The following KDM4C variants were observed in gnomAD, a reference collection of about 807,000 sequenced individuals.
KDM4C encodes the protein lysine-specific demethylase 4C.
A neutral mutation model predicts 129.3 loss-of-function variants in KDM4C; 81 were observed. That is an observed-to-expected ratio of 0.63 (90% CI 0.52 to 0.75). KDM4C has a LOEUF of 0.75. KDM4C is among the 30% of genes least tolerant of loss of function. KDM4C has a pLI of 0.00. For missense variants in KDM4C, 1,457 were observed against 1,304.0 expected (o/e 1.12, Z -1.81); for synonymous variants, 573 against 456.1 (o/e 1.26, Z -3.26).
At chr9:7,112,657 C>G (rs537902443) in intron 18 of KDM4C, among the ~76,000 whole-genome samples, 1 of 152,336 alleles carries the variant, frequency 6.6e-6, no homozygotes, top group South Asian at 2.1e-4. Flanking sequence ...AGGGCTGATA[C>G]ATCATATGTA....
chr9:6,967,907 G>T (rs1831285407), intron 8 of KDM4C, among the ~76,000 whole-genome samples: 1 of 152,134 alleles, frequency 6.6e-6, no homozygotes. Context: ...ATAAGTAAAT[G>T]GTTCTTTGAT....
intron 4 of KDM4C, chr9:6,835,095 G>C: frequency 1.0e-6 from 1 of 1,002,058 alleles, no homozygotes; most frequent in South Asian, 1.3e-5. Context: ...TCAAGGAGAA[G>C]CTGTGCTATG....
Position 7,123,027 on chromosome 9 carries a change from C to A in KDM4C, c.2611-5039C>A, listed in dbSNP as rs994701197. On this transcript the variant is annotated intron_variant, in intron 18 of 21. Coordinates refer to ENST00000381309, the MANE Select transcript of KDM4C (RefSeq NM_015061.6). ...GGGGTATGCTTGTCAATACATTTTTCCTGCAAAAATAAATCAGAAATCCTA... is the reference window on the plus strand; with the variant it reads ...GGGGTATGCTTGTCAATACATTTTTACTGCAAAAATAAATCAGAAATCCTA... 2.0e-5 allele frequency among the ~76,000 whole-genome samples: 3 copies of A among 152,094 alleles called. No individual in the cohort carries two copies. In the East Asian group the frequency reaches 5.8e-4, roughly 29 times the overall value.
intron 12 of KDM4C, among the ~76,000 whole-genome samples, chr9:7,004,583 C>T (rs888913076): frequency 1.3e-5 from 2 of 152,066 alleles, no homozygotes; most frequent in Admixed American, 6.5e-5. Flanking sequence ...TATAGCTATG[C>T]CATAATTTAT....
chr9:6,816,043 A>G (rs1832025039), intron 4 of KDM4C, among the ~76,000 whole-genome samples: 1 of 152,068 alleles, frequency 6.6e-6, no homozygotes, highest in Non-Finnish European at 1.5e-5. Context: ...TTTTCCCAGT[A>G]ATGTTATAAC....
At chr9:7,025,308 C>T (rs925315881) in intron 15 of KDM4C, among the ~76,000 whole-genome samples, 6 of 151,866 alleles carry the variant, frequency 4.0e-5, no homozygotes, top group African/African-American at 9.7e-5. Context: ...GTTTTTTTAT[C>T]CATTCAGAGC....
chr9:6,927,647 T>A (rs1822883699), intron 8 of KDM4C, among the ~76,000 whole-genome samples: 1 of 152,194 alleles, frequency 6.6e-6, no homozygotes, highest in Non-Finnish European at 1.5e-5. Context: ...AAACTGCTGG[T>A]CTCAGTTCTG....
At position 6,777,247 on chromosome 9, in the gene KDM4C, C is replaced by A. The variant is rs539103831; in HGVS notation, c.-17-15725C>A. Among the ~76,000 whole-genome samples the A allele has an allele frequency of 9.9e-5, 15 of 152,284 alleles. No individual in the cohort carries two copies. The South Asian group carries it at 2.9e-3, about 29-fold the overall frequency. On this transcript the variant is annotated intron_variant, in intron 1 of 21. Transcript: ENST00000381309. ...TCATCTACAGCAGGGTGGAAGCAGA[C>A]CTTAAGCACCCAAAGCTCTCTACTC... is the stretch of plus-strand genomic sequence containing the variant.
At chr9:7,132,065 T>A (rs79070124) in intron 19 of KDM4C, among the ~76,000 whole-genome samples, 3,832 of 152,314 alleles carry the variant, frequency 0.025, 164 homozygotes, top group African/African-American at 0.087. Context: ...ACTAGTTCTC[T>A]AAGCCTCAGG....
intron 19 of KDM4C, among the ~76,000 whole-genome samples, chr9:7,142,651 GTAA>G (rs1841864874): frequency 6.6e-6 from 1 of 152,292 alleles, no homozygotes; most frequent in Non-Finnish European, 1.5e-5. Flanking sequence ...GTGGTTAGTG[GTAA>G]TAATAATAAT....
chr9:6,793,708 T>G (rs866205765), intron 2 of KDM4C, among the ~76,000 whole-genome samples: 1 of 151,944 alleles, frequency 6.6e-6, no homozygotes, highest in Non-Finnish European at 1.5e-5. Context: ...GCCCCGCTAA[T>G]TTTTTTGTAT....
intron 2 of KDM4C, among the ~76,000 whole-genome samples, chr9:6,801,383 G>T (rs1485074733): frequency 1.3e-5 from 2 of 150,168 alleles, no homozygotes; most frequent in African/African-American, 2.5e-5. Flanking sequence ...ACAGGTGCCT[G>T]CCACCATGCC....
chr9:6,948,360 C>G (rs560849548), intron 8 of KDM4C: 1 of 151,948 alleles, frequency 6.6e-6, no homozygotes, highest in Non-Finnish European at 1.5e-5. Context: ...AGATATTTAT[C>G]TGAACAGTAG....
chr9:7,097,832 A>G (rs143990833), intron 17 of KDM4C, among the ~76,000 whole-genome samples: 1 of 152,304 alleles, frequency 6.6e-6, no homozygotes, highest in African/African-American at 2.4e-5. Flanking sequence ...CTGCCTTTGC[A>G]TTTTGCAAAA....
intron 7 of KDM4C, among the ~76,000 whole-genome samples, chr9:6,889,253 GAGGGT>G (rs1845765319): frequency 1.4e-5 from 2 of 141,794 alleles, no homozygotes; most frequent in Non-Finnish European, 1.5e-5. Flanking sequence ...GTGTGTGTGG[GAGGGT>G]GGGGGGGATT....
chr9:7,164,094 G>T (rs1844102179), intron 19 of KDM4C, among the ~76,000 whole-genome samples: 1 of 152,084 alleles, frequency 6.6e-6, no homozygotes, highest in Non-Finnish European at 1.5e-5. Flanking sequence ...CACAGAATAT[G>T]CCCAGTCTGC....
At chr9:6,942,166 A>G (rs575906397) in intron 8 of KDM4C, among the ~76,000 whole-genome samples, 1 of 152,284 alleles carries the variant, frequency 6.6e-6, no homozygotes, top group East Asian at 1.9e-4. Context: ...ACTTTAAGAT[A>G]AAACTGGTTT....
intron 15 of KDM4C, among the ~76,000 whole-genome samples, chr9:7,040,636 T>C (rs781177594): frequency 2.3e-4 from 35 of 151,994 alleles, no homozygotes; most frequent in Non-Finnish European, 2.9e-4. Context: ...TTTCCTTTTT[T>C]TTTAAAAGGT....
At position 6,921,355 on chromosome 9, in the gene KDM4C, A is replaced by G. The variant is rs576481436; in HGVS notation, c.921+28123A>G. 2.0e-5 allele frequency among the ~76,000 whole-genome samples: 3 copies of G among 152,316 alleles called. No individual in the cohort carries two copies. The South Asian group carries it at 6.2e-4, about 32-fold the overall frequency. On this transcript the variant is annotated intron_variant, in intron 8 of 21. Transcript: ENST00000381309. ...CGCTTGGATGTTGATGGGCTTCACA[A>G]ACGTTAACAAGCCCAGAAAGTGCTG... is the stretch of plus-strand genomic sequence containing the variant.
Sources: gnomAD v4.1 joint callset for allele counts (sites outside exome capture counted in the v4.1 genomes callset) on GRCh38, gnomAD v4.1.1 for gene constraint, MANE v1.5 for transcripts, NCBI Gene and HGNC (gene_info 2026-07-23, HGNC 2026-07-21) for gene names.